The following KAZN variants were observed in gnomAD, a reference collection of about 807,000 sequenced individuals.
The protein encoded by KAZN is kazrin, periplakin interacting protein.
In KAZN, 40 loss-of-function variants were observed where a neutral mutation model predicts 87.4. The observed-to-expected ratio is 0.46, with a 90% CI of 0.36 to 0.60. The LOEUF (loss-of-function observed/expected upper bound fraction) is 0.60, where lower values mean the gene tolerates loss of function less well. Ranked by LOEUF, KAZN falls within the 20% of genes least tolerant of loss-of-function variation. The pLI, the probability that KAZN is intolerant of heterozygous loss-of-function variation, is 0.00. For missense variants in KAZN, 898 were observed against 1,073.9 expected (o/e 0.84, Z 2.29); for synonymous variants, 466 against 458.3 (o/e 1.02, Z -0.22).
intron 2 of KAZN, among the ~76,000 whole-genome samples, chr1:14,497,824 A>T (rs1415703808): frequency 2.1e-5 from 3 of 141,604 alleles, no homozygotes; most frequent in Non-Finnish European, 4.5e-5. Flanking sequence ...TTGAGATGGA[A>T]AAAAAAAAAG....
intron 1 of KAZN, among the ~76,000 whole-genome samples, chr1:14,723,321 C>T (rs1378199534): frequency 1.3e-5 from 2 of 152,196 alleles, no homozygotes; most frequent in Non-Finnish European, 1.5e-5. Context: ...CTGAGCCCTA[C>T]CTTAACTGAA....
chr1:15,029,939 G>A (rs913266950), intron 2 of KAZN, among the ~76,000 whole-genome samples: 24 of 152,106 alleles, frequency 1.6e-4, no homozygotes, highest in African/African-American at 5.1e-4. Flanking sequence ...TGGGGTCAGC[G>A]CCCCTGCCCT....
intron 1 of KAZN, among the ~76,000 whole-genome samples, chr1:14,747,687 T>A (rs561358368): frequency 6.6e-6 from 1 of 152,376 alleles, no homozygotes; most frequent in East Asian, 1.9e-4. Context: ...AAGTATCAGT[T>A]TGAGTCCCTG....
At chr1:14,724,667 G>T (rs985662482) in intron 1 of KAZN, among the ~76,000 whole-genome samples, 15 of 152,192 alleles carry the variant, frequency 9.9e-5, no homozygotes, top group Admixed American at 9.2e-4. Flanking sequence ...TTTTTCTCCA[G>T]AACTGAAATG....
At chr1:14,233,841 A>G (rs895751785) in intron 2 of KAZN, among the ~76,000 whole-genome samples, 8 of 152,196 alleles carry the variant, frequency 5.3e-5, no homozygotes, top group Non-Finnish European at 7.4e-5. Flanking sequence ...AATCAAAACC[A>G]CAATGAGATA....
intron 2 of KAZN, among the ~76,000 whole-genome samples, chr1:14,432,516 G>A (rs554983076): frequency 2.6e-5 from 4 of 152,146 alleles, no homozygotes; most frequent in South Asian, 4.2e-4. Flanking sequence ...AGTACTTGAC[G>A]AATCATTGCG....
At chr1:14,419,232 T>C (rs1665132765) in intron 2 of KAZN, among the ~76,000 whole-genome samples, 1 of 152,174 alleles carries the variant, frequency 6.6e-6, no homozygotes, top group Admixed American at 6.5e-5. Context: ...GCTGTCATTT[T>C]AAAAGTAAGT....
intron 2 of KAZN, among the ~76,000 whole-genome samples, chr1:14,985,576 G>A (rs1446592101): frequency 6.6e-6 from 1 of 151,532 alleles, no homozygotes; most frequent in Non-Finnish European, 1.5e-5. Flanking sequence ...AGAATGAGAA[G>A]GCGTTACCAG....
intron 1 of KAZN, among the ~76,000 whole-genome samples, chr1:14,620,218 G>C (rs1295194470): frequency 6.6e-6 from 1 of 152,184 alleles, no homozygotes; most frequent in Non-Finnish European, 1.5e-5. Flanking sequence ...AGAAAAATTA[G>C]ATAATTTTGA....
chr1:14,395,423 T>C (rs1268717336), intron 2 of KAZN, among the ~76,000 whole-genome samples: 2 of 152,158 alleles, frequency 1.3e-5, no homozygotes, highest in Admixed American at 6.5e-5. Flanking sequence ...CGTAGGTGCA[T>C]TCTGTCCTTG....
At chr1:14,928,763 G>A (rs1659461764) in intron 1 of KAZN, among the ~76,000 whole-genome samples, 1 of 152,200 alleles carries the variant, frequency 6.6e-6, no homozygotes. Context: ...CTAGCAGGGC[G>A]AGGGCAGGAT....
At chr1:14,248,895 G>A (rs1007668721) in intron 2 of KAZN, among the ~76,000 whole-genome samples, 2 of 152,184 alleles carry the variant, frequency 1.3e-5, no homozygotes, top group Non-Finnish European at 2.9e-5. Flanking sequence ...AGCCATGTTA[G>A]AAATCCAGCT....
At chr1:14,562,714 T>C (rs1674328726) in intron 2 of KAZN, among the ~76,000 whole-genome samples, 1 of 152,234 alleles carries the variant, frequency 6.6e-6, no homozygotes, top group Non-Finnish European at 1.5e-5. Flanking sequence ...TTTCTGCAGA[T>C]GTTCACTGAG....
intron 2 of KAZN, among the ~76,000 whole-genome samples, chr1:14,518,817 C>G (rs1413000116): frequency 6.6e-6 from 1 of 152,230 alleles, no homozygotes; most frequent in Non-Finnish European, 1.5e-5. Context: ...GAGCTGTGCA[C>G]AGTGCCAAGC....
chr1:14,791,955 A>G (rs71629898), intron 1 of KAZN, among the ~76,000 whole-genome samples: 2,598 of 152,238 alleles, frequency 0.017, 44 homozygotes, highest in Non-Finnish European at 0.027. Context: ...AGCCGGGGTG[A>G]CCTCGGTCAA....
Position 15,094,151 on chromosome 1 carries a change from C to A in KAZN, c.1223-29C>A, listed in dbSNP as rs754784532. On this transcript the variant is annotated intron_variant, in intron 8 of 14. Coordinates refer to ENST00000376030, the MANE Select transcript of KAZN (RefSeq NM_201628.3). This position sits in a 1 kb window ranked among gnomAD's most constrained non-coding sequence, Gnocchi z 4.5. ...CCCCTGCCCCCAGCAGCCTCGTCCC[C>A]CAGCATGGCCTGCACTTGTGTGTTG... The A allele has an allele frequency of 1.2e-6, 2 of 1,603,990 alleles. No individual in the cohort carries two copies. The highest frequency in any genetic ancestry group is 1.7e-6 in the Non-Finnish European group (2 of 1,174,616).
intron 2 of KAZN, among the ~76,000 whole-genome samples, chr1:14,252,206 G>A (rs1196504887): frequency 6.6e-6 from 1 of 152,254 alleles, no homozygotes; most frequent in East Asian, 1.9e-4. Context: ...TGTTCCTAAG[G>A]AGTCTTCTCC....
chr1:14,381,155 T>A (rs820667), intron 2 of KAZN, among the ~76,000 whole-genome samples: 47,851 of 151,614 alleles, frequency 0.32, 8,431 homozygotes, highest in East Asian at 0.72. Context: ...ACTGTAAGAG[T>A]CAAAGAAGCT....
At chr1:15,078,899 A>C (rs1639876836) in intron 8 of KAZN, among the ~76,000 whole-genome samples, 1 of 152,186 alleles carries the variant, frequency 6.6e-6, no homozygotes, top group South Asian at 2.1e-4. Context: ...CTTCGTTCTG[A>C]AGGAAATTAA....
Sources: allele counts gnomAD v4.1 joint callset (sites outside exome capture counted in the v4.1 genomes callset), GRCh38; gene constraint gnomAD v4.1.1; non-coding constraint Gnocchi (gnomAD v3.1); transcripts MANE v1.5; gene names NCBI Gene and HGNC (gene_info 2026-07-23, HGNC 2026-07-21).